Variants in TMX2 observed in about 807,000 individuals in gnomAD.
TMX2 encodes the protein thioredoxin-related transmembrane protein 2.
In TMX2, 20 loss-of-function variants were observed where a neutral mutation model predicts 33.4. That is an observed-to-expected ratio of 0.60 (90% CI 0.42 to 0.87). The LOEUF (loss-of-function observed/expected upper bound fraction) is 0.87. Among genes scored for constraint, TMX2 ranks in the 40% least tolerant of loss-of-function variants. The pLI is 0.00. For missense variants in TMX2, 340 were observed against 370.7 expected (o/e 0.92, Z 0.68); for synonymous variants, 166 against 140.7 (o/e 1.18, Z -1.27).
At chr11:57,727,340 A>C (rs919806793) in intron 1 of TMX2, among the ~76,000 whole-genome samples, 3 of 152,118 alleles carry the variant, frequency 2.0e-5, no homozygotes, top group Non-Finnish European at 4.4e-5. Flanking sequence ...CAGATAGCCA[A>C]ATCAGACAAC....
intron 1 of TMX2, chr11:57,718,034 A>G: frequency 2.8e-6 from 3 of 1,060,844 alleles, no homozygotes; most frequent in Non-Finnish European, 4.4e-6. Flanking sequence ...AAACAAGTCA[A>G]ACTTACTAGA....
intron 1 of TMX2, among the ~76,000 whole-genome samples, chr11:57,735,787 A>G (rs1009002284): frequency 6.6e-6 from 1 of 152,194 alleles, no homozygotes; most frequent in Non-Finnish European, 1.5e-5. Flanking sequence ...CCATGATCTG[A>G]GGTGGAGTTT....
At chr11:57,728,353 G>A (rs1948137142) in intron 1 of TMX2, among the ~76,000 whole-genome samples, 2 of 152,088 alleles carry the variant, frequency 1.3e-5, no homozygotes, top group Admixed American at 6.6e-5. Context: ...TAGTAGAGAT[G>A]GGGTTTCACT....
At chr11:57,722,800 CAT>C (rs1476113330) in intron 1 of TMX2, among the ~76,000 whole-genome samples, 8 of 152,126 alleles carry the variant, frequency 5.3e-5, no homozygotes, top group African/African-American at 1.9e-4. Context: ...ATAGTAGAAA[CAT>C]AAAATATGCT....
chr11:57,729,316 A>T (rs1021633165), intron 1 of TMX2, among the ~76,000 whole-genome samples: 4 of 152,096 alleles, frequency 2.6e-5, no homozygotes, highest in African/African-American at 9.7e-5. Context: ...ATAGAGTTCT[A>T]GGTTCTGTTT....
chr11:57,714,279 AT>A (rs1946831641), intron 1 of TMX2, among the ~76,000 whole-genome samples: 1 of 152,214 alleles, frequency 6.6e-6, no homozygotes, highest in Non-Finnish European at 1.5e-5. Context: ...GTTGTGTCTC[AT>A]TTCAGAAGAT....
At chr11:57,725,055 A>T (rs1947888988) in intron 1 of TMX2, among the ~76,000 whole-genome samples, 1 of 149,414 alleles carries the variant, frequency 6.7e-6, no homozygotes, top group African/African-American at 2.5e-5. Context: ...AAAAAAAAAA[A>T]GAAAGAAAAG....
chr11:57,725,880 C>T (rs2135539239), intron 1 of TMX2, among the ~76,000 whole-genome samples: 1 of 152,206 alleles, frequency 6.6e-6, no homozygotes, highest in Non-Finnish European at 1.5e-5. Flanking sequence ...TAAAAATTTT[C>T]TGCTTACTAT....
intron 1 of TMX2, among the ~76,000 whole-genome samples, chr11:57,717,205 C>T (rs1947176481): frequency 6.6e-6 from 1 of 151,800 alleles, no homozygotes; most frequent in Admixed American, 6.6e-5. Context: ...CAGAGACGCT[C>T]CTCACTTTCC....
chr11:57,723,672 G>A (rs1305315679), intron 1 of TMX2, among the ~76,000 whole-genome samples: 2 of 144,348 alleles, frequency 1.4e-5, no homozygotes, highest in South Asian at 2.2e-4. Flanking sequence ...GCATGGTGGC[G>A]AGTGCCTGTA....
chr11:57,736,098 TCA>T (rs1440974302), intron 1 of TMX2, among the ~76,000 whole-genome samples: 2 of 152,182 alleles, frequency 1.3e-5, no homozygotes, highest in African/African-American at 4.8e-5. Flanking sequence ...GGCCGAGAAC[TCA>T]GTTTTCAAGG....
intron 1 of TMX2, among the ~76,000 whole-genome samples, chr11:57,735,129 C>CA (rs910438006): frequency 6.6e-6 from 1 of 150,842 alleles, no homozygotes; most frequent in African/African-American, 2.4e-5. Flanking sequence ...GAGTCCGTCT[C>CA]AAAAAAAAGA....
chr11:57,727,137 G>A (rs1948057852), intron 1 of TMX2, among the ~76,000 whole-genome samples: 1 of 152,096 alleles, frequency 6.6e-6, no homozygotes, highest in South Asian at 2.1e-4. Context: ...GATCATAATA[G>A]CTCAGAAAAT....
intron 1 of TMX2, among the ~76,000 whole-genome samples, chr11:57,735,345 A>T (rs1290129047): frequency 2.6e-5 from 4 of 151,518 alleles, no homozygotes; most frequent in African/African-American, 4.8e-5. Flanking sequence ...AGTAGCTTTG[A>T]TTACAGGCGT....
At chr11:57,737,527 T>TA in intron 1 of TMX2, 81 bp from the exon 2 acceptor site, 1 of 1,198,188 alleles carries the variant, frequency 8.3e-7, no homozygotes, top group Non-Finnish European at 1.2e-6. Context: ...TATTGGTTTT[T>TA]ATTACATATT....
chr11:57,737,206 G>A (rs928727400), intron 1 of TMX2, among the ~76,000 whole-genome samples: 1 of 152,198 alleles, frequency 6.6e-6, no homozygotes, highest in African/African-American at 2.4e-5. Flanking sequence ...GATCACCTGA[G>A]GTCAGGAGTT....
At chr11:57,715,419 A>T (rs1946909456) in intron 1 of TMX2, among the ~76,000 whole-genome samples, 1 of 150,180 alleles carries the variant, frequency 6.7e-6, no homozygotes, top group Admixed American at 6.6e-5. Context: ...ATAAATAAAT[A>T]AAATTAAAAA....
At chr11:57,721,662 A>G (rs1947641768) in intron 1 of TMX2, among the ~76,000 whole-genome samples, 1 of 152,216 alleles carries the variant, frequency 6.6e-6, no homozygotes, top group African/African-American at 2.4e-5. Context: ...ACTTAAGCCA[A>G]TAAGCCTTCT....
chr11:57,740,220 A>G lies in TMX2; in HGVS notation c.866A>G (p.Asp289Gly). The G allele has an allele frequency of 6.2e-7, 1 of 1,608,250 alleles. No homozygotes were observed. The highest frequency in any genetic ancestry group is 8.5e-7 in the Non-Finnish European group (1 of 1,178,160). ...GCTTCAACCCCCACCACAGTGTCAGATGGGGAAAACAAGAAGGATAAATAA... is the reference window on the plus strand; with the variant it reads ...GCTTCAACCCCCACCACAGTGTCAGGTGGGGAAAACAAGAAGGATAAATAA... ...PVASTPTTVS[D>G]GENKKDK The change falls in exon 8 of 8, where the codon GAT becomes GGT. Residue 289 changes from aspartate (D) to glycine (G), a missense_variant. Around this residue, in one of 3 missense-constraint regions of TMX2, gnomAD observed 209 missense variants for 241.6 expected, o/e 0.87. Transcript: ENST00000278422.
Sources: allele counts gnomAD v4.1 joint callset (sites outside exome capture counted in the v4.1 genomes callset), GRCh38; gene constraint gnomAD v4.1.1; regional missense constraint gnomAD v4.1.1; transcripts MANE v1.5; gene names NCBI Gene and HGNC (gene_info 2026-07-23, HGNC 2026-07-21).